Variants in TMEM184B observed in about 807,000 individuals in gnomAD.
TMEM184B encodes the protein transmembrane protein 184B.
Under a neutral mutation model 41.8 loss-of-function variants are expected in TMEM184B, and 17 were observed. That is an observed-to-expected ratio of 0.41 (90% CI 0.28 to 0.61). The LOEUF (loss-of-function observed/expected upper bound fraction) is 0.61, where lower values mean the gene tolerates loss of function less well. Ranked by LOEUF, TMEM184B falls within the 20% of genes least tolerant of loss-of-function variation. TMEM184B has a pLI of 0.34. For synonymous variants in TMEM184B, 240 were observed against 229.5 expected (o/e 1.05, Z -0.41); for missense variants, 393 against 557.8 (o/e 0.70, Z 2.98).
Position 38,247,744 on chromosome 22 carries a change from A to G in TMEM184B, c.192+26T>C, listed in dbSNP as rs762033032. Reference sequence around the variant, plus strand: ...GCCAGGAACCTTTCTGGACCTTTCTAGAGGCCCCTTGCCAGGCTTGGGTAC... The same window carrying G: ...GCCAGGAACCTTTCTGGACCTTTCTGGAGGCCCCTTGCCAGGCTTGGGTAC... On this transcript the variant is annotated intron_variant, in intron 2 of 8. Transcript: ENST00000361906. The G allele has an allele frequency of 4.4e-6, 7 of 1,599,428 alleles. No homozygotes were observed. The East Asian group carries it at 6.7e-5, about 15-fold the overall frequency.
intron 1 of TMEM184B, among the ~76,000 whole-genome samples, chr22:38,248,707 C>T (rs2092096626): frequency 6.6e-6 from 1 of 152,196 alleles, no homozygotes; most frequent in Non-Finnish European, 1.5e-5. Flanking sequence ...CTGGGGACAG[C>T]GGCTCTGTTT....
At position 38,219,846 on chromosome 22, in the gene TMEM184B, C is replaced by T. The variant is rs955010246; in HGVS notation, c.*1623G>A. 4.3e-5 allele frequency: 42 copies of T among 985,344 alleles called. No individual in the cohort carries two copies. The highest frequency in any genetic ancestry group is 1.1e-4 in the East Asian group (1 of 8,808). The allele number at this position is 985,344 out of a possible 1,614,324, so 61.0% of individuals were successfully genotyped here. On this transcript the variant is annotated 3_prime_UTR_variant, in exon 9 of 9. Coordinates refer to ENST00000361906, the MANE Select transcript of TMEM184B (RefSeq NM_012264.5). ...CCGGGCAGCTTGGGCCCAACTGCTC[C>T]GCCCCCCCAAGATGGAGGGGGAGAG...
rs185088433 is a variant in TMEM184B at position 38,221,246 on chromosome 22, C to T, written c.*223G>A. 2.2e-4 allele frequency: 314 copies of T among 1,405,820 alleles called. 1 individual carries two copies. The highest frequency in any genetic ancestry group is 2.9e-4 in the East Asian group (11 of 37,792). 87.1% of individuals were successfully genotyped at this position (1,405,820 alleles called of 1,614,324 possible). On this transcript the variant is annotated 3_prime_UTR_variant, in exon 9 of 9. Coordinates refer to ENST00000361906, the MANE Select transcript of TMEM184B (RefSeq NM_012264.5). ...GCTCCCAGTGTCCTCTGCCCTCGCC[C>T]GGGCAGTGCAGGCTGGGCCATGTAT... is the stretch of plus-strand genomic sequence containing the variant.
At chr22:38,245,896 G>GC (rs755152925) in intron 3 of TMEM184B, 39 bp downstream of exon 3, 5 of 536,164 alleles carry the variant, frequency 9.3e-6, no homozygotes, top group Non-Finnish European at 9.9e-6. Context: ...CAGCCCCCCA[G>GC]CCCCCCGCCA....
In TMEM184B at chr22:38,248,034, T is replaced by C. The variant is rs2092077417; in HGVS notation, c.-58-15A>G. On this transcript the variant is annotated splice_polypyrimidine_tract_variant and intron_variant, in intron 1 of 8. Transcript: ENST00000361906. The stretch of plus-strand genomic sequence containing the variant: ...GACAAGCTAGCCTAGAGAGAAGAAA[T>C]TGCAATGTGAGTCTCCTCCCAGGGC... 6.8e-6 allele frequency: 10 copies of C among 1,478,888 alleles called. No individual in the cohort carries two copies. Among genetic ancestry groups the C allele is most frequent in the South Asian group, 4.0e-5 (3 of 75,402 alleles). 91.6% of individuals were successfully genotyped at this position (1,478,888 alleles called of 1,614,324 possible). A position where few individuals can be genotyped will look rare whatever the true frequency, so the allele number is the denominator to read the frequency against.
chr22:38,219,252 G>C (rs1166734624), downstream of TMEM184B: 4 of 985,418 alleles, frequency 4.1e-6, no homozygotes, highest in Non-Finnish European at 4.8e-6. Flanking sequence ...GCCAGAGCAG[G>C]GGGCAGGGAG....
At chr22:38,265,105 AG>A (rs1390338384) in intron 1 of TMEM184B, among the ~76,000 whole-genome samples, 11 of 152,170 alleles carry the variant, frequency 7.2e-5, no homozygotes, top group African/African-American at 2.7e-4. Context: ...CCTGGAGATG[AG>A]GCTAGGACCC....
At chr22:38,272,860 G>C in intron 1 of TMEM184B, 24 bp downstream of exon 1, 1 of 954,122 alleles carries the variant, frequency 1.0e-6, no homozygotes, top group South Asian at 4.9e-5. Flanking sequence ...GGGGCTCCCG[G>C]GCGAGGCCGG....
rs1415229171 is a variant in TMEM184B, at chr22:38,246,013, C to CA, written c.279dup (p.Asp94Ter). On this transcript the variant is annotated frameshift_variant, in exon 3 of 9. Transcript: ENST00000361906. LOFTEE classifies it high-confidence loss of function. ...AAGAAGAGGAGGCTGAGCCAGGAGT[C>CA]AAAGGCGTAGATGGGCACGATGAAG... 6.2e-7 allele frequency: 1 copy of CA among 1,613,702 alleles called. No individual in the cohort carries two copies. The highest frequency in any genetic ancestry group is 8.5e-7 in the Non-Finnish European group (1 of 1,179,974).
intron 3 of TMEM184B, among the ~76,000 whole-genome samples, chr22:38,241,130 C>T (rs1053466871): frequency 6.6e-6 from 1 of 152,110 alleles, no homozygotes; most frequent in African/African-American, 2.4e-5. Context: ...AGCTGAGCAG[C>T]GGGAGCCTGG....
intron 3 of TMEM184B, among the ~76,000 whole-genome samples, chr22:38,237,312 G>A (rs1048201539): frequency 2.6e-5 from 4 of 152,334 alleles, no homozygotes; most frequent in African/African-American, 9.6e-5. Flanking sequence ...GCCCTCTCAC[G>A]TTTCTGCGTG....
rs2091447435 is a variant in TMEM184B, at chr22:38,226,612, C to T, written c.617+167G>A. The T allele has an allele frequency of 7.8e-6, 5 of 644,230 alleles. 1 individual carries two copies. Among genetic ancestry groups the T allele is most frequent in the East Asian group, 2.9e-5 (1 of 34,002 alleles). 39.9% of individuals were successfully genotyped at this position (644,230 alleles called of 1,614,324 possible). On this transcript the variant is annotated intron_variant, in intron 6 of 8. Transcript: ENST00000361906. The surrounding 1 kb of genome is among the most constrained non-coding windows in gnomAD (Gnocchi z 4.6). ...ACTCCGGGGCTGGCAGCGGGGCCAA[C>T]TGCAAGGGTGTCCACTGCTGGGCTC...
intron 1 of TMEM184B, chr22:38,272,491 C>T: frequency 1.0e-6 from 1 of 985,606 alleles, no homozygotes; most frequent in Non-Finnish European, 1.2e-6. Context: ...GACGCCTCCC[C>T]CACTCACTCG....
rs202018170 is a variant in TMEM184B at position 38,221,451 on chromosome 22, C to T, written c.*18G>A. 2.5e-5 allele frequency: 40 copies of T among 1,579,104 alleles called. No homozygotes were observed. The highest frequency in any genetic ancestry group is 1.7e-4 in the African/African-American group (13 of 74,394). Reference sequence around the variant, plus strand: ...ACCGTGGCTATGGCGCCAGCACTTCCGCCACTGCAGCCCGCACCTAGAATT... The same window carrying T: ...ACCGTGGCTATGGCGCCAGCACTTCTGCCACTGCAGCCCGCACCTAGAATT... On this transcript the variant is annotated 3_prime_UTR_variant, in exon 9 of 9. Coordinates refer to ENST00000361906, the MANE Select transcript of TMEM184B (RefSeq NM_012264.5).
At chr22:38,224,273 C>T (rs903554673) in intron 8 of TMEM184B, among the ~76,000 whole-genome samples, 2 of 152,174 alleles carry the variant, frequency 1.3e-5, no homozygotes, top group African/African-American at 2.4e-5. Flanking sequence ...CGCCACCACG[C>T]CCGGCTAATT....
In TMEM184B at chr22:38,221,715, C is replaced by T. The variant is rs773565118; in HGVS notation, c.983-5G>A. ...TCTTCATGGGGGCACAGCGGCCTGC[C>T]GGGCAGGGAGCGGGAGGGGCAGGTG... On this transcript the variant is annotated splice_polypyrimidine_tract_variant and splice_region_variant and intron_variant, in intron 8 of 8. Transcript: ENST00000361906. 3.0e-5 allele frequency: 48 copies of T among 1,612,986 alleles called. No homozygotes were observed. The highest frequency in any genetic ancestry group is 1.5e-4 in the South Asian group (14 of 91,044).
Position 38,219,551 on chromosome 22 carries a change from G to A in TMEM184B, c.*1918C>T, listed in dbSNP as rs1013692530. 3 of 985,546 alleles carry A rather than the reference G, an allele frequency of 3.0e-6. No individual in the cohort carries two copies. Among genetic ancestry groups the A allele is most frequent in the African/African-American group, 1.7e-5 (1 of 57,212 alleles). The allele number at this position is 985,546 out of a possible 1,614,324, so 61.1% of individuals were successfully genotyped here. A position where few individuals can be genotyped will look rare whatever the true frequency, so the allele number is the denominator to read the frequency against. Reference sequence around the variant, plus strand: ...ATTAAAAAAAAAAAAGACAAGGTAGGTTATGCATCCTAAGGAGGAGGAGGG... The same window carrying A: ...ATTAAAAAAAAAAAAGACAAGGTAGATTATGCATCCTAAGGAGGAGGAGGG... On this transcript the variant is annotated 3_prime_UTR_variant, in exon 9 of 9. Transcript: ENST00000361906.
At chr22:38,270,881 G>A (rs1008215145) in intron 1 of TMEM184B, among the ~76,000 whole-genome samples, 1 of 152,222 alleles carries the variant, frequency 6.6e-6, no homozygotes, top group Non-Finnish European at 1.5e-5. Context: ...CCAGAGACCA[G>A]GAGCAAAACC....
At chr22:38,246,169 C>T in intron 2 of TMEM184B, 69 bp from the exon 3 acceptor site, 1 of 1,553,822 alleles carries the variant, frequency 6.4e-7, no homozygotes, top group South Asian at 1.2e-5. Flanking sequence ...AGGTGGGCTT[C>T]CAGCTCTGCC....
Sources: allele counts gnomAD v4.1 joint callset (sites outside exome capture counted in the v4.1 genomes callset), GRCh38; gene constraint gnomAD v4.1.1; non-coding constraint Gnocchi (gnomAD v3.1); transcripts MANE v1.5; gene names NCBI Gene and HGNC (gene_info 2026-07-23, HGNC 2026-07-21).